Variants in ARHGAP6 observed in about 807,000 individuals in gnomAD.
The protein encoded by ARHGAP6 is rho GTPase-activating protein 6.
ARHGAP6 carries 16 observed loss-of-function variants against 55.7 expected under a neutral mutation model. That is an observed-to-expected ratio of 0.29 (90% CI 0.19 to 0.44). The LOEUF (loss-of-function observed/expected upper bound fraction) is 0.44. Among genes scored for constraint, ARHGAP6 ranks in the 20% least tolerant of loss-of-function variants. The pLI is 1.00. For synonymous variants in ARHGAP6, 382 were observed against 360.9 expected, an observed-to-expected ratio of 1.06 and a Z score of -0.66; for missense variants, 698 against 808.9, an observed-to-expected ratio of 0.86 and a Z score of 1.66.
chrX:11,384,468 C>G (rs1161198060), intron 1 of ARHGAP6, among the ~76,000 whole-genome samples: 1 of 112,137 alleles, frequency 8.9e-6, no homozygotes, highest in African/African-American at 3.2e-5. Context: ...TCAAAAACAA[C>G]AAATAACATA....
At chrX:11,184,440 A>T (rs948169763) in intron 5 of ARHGAP6, among the ~76,000 whole-genome samples, 1 of 111,837 alleles carries the variant, frequency 8.9e-6, no homozygotes, top group African/African-American at 3.3e-5. Flanking sequence ...TAAACATCTC[A>T]ATTTGTTTTA....
intron 1 of ARHGAP6, among the ~76,000 whole-genome samples, chrX:11,288,295 A>T (rs2047946265): frequency 8.9e-6 from 1 of 112,141 alleles, no homozygotes; most frequent in Non-Finnish European, 1.9e-5. Flanking sequence ...AATGCTTAGA[A>T]CCATGGCTGG....
intron 1 of ARHGAP6, among the ~76,000 whole-genome samples, chrX:11,586,743 C>T (rs1169281874): frequency 9.0e-6 from 1 of 111,678 alleles, no homozygotes; most frequent in African/African-American, 3.3e-5. Flanking sequence ...ATAGCACTGA[C>T]TCTATAAATT....
chrX:11,167,781 G>T (rs909480235), intron 9 of ARHGAP6, among the ~76,000 whole-genome samples: 3 of 112,296 alleles, frequency 2.7e-5, no homozygotes, highest in Non-Finnish European at 3.8e-5. Context: ...TTGGCAAGAT[G>T]ATATGTGACT....
chrX:11,592,036 T>C (rs1339913268), intron 1 of ARHGAP6, among the ~76,000 whole-genome samples: 1 of 111,437 alleles, frequency 9.0e-6, no homozygotes, highest in African/African-American at 3.3e-5. Context: ...TTGTAAGAAG[T>C]AGTCCCAGGA....
intron 1 of ARHGAP6, among the ~76,000 whole-genome samples, chrX:11,546,289 A>G (rs2051211420): frequency 9.0e-6 from 1 of 111,204 alleles, no homozygotes; most frequent in Non-Finnish European, 1.9e-5. Flanking sequence ...TTCTCCATTC[A>G]GTAAGCCCTT....
At chrX:11,311,055 T>C (rs896436961) in intron 1 of ARHGAP6, among the ~76,000 whole-genome samples, 1 of 111,916 alleles carries the variant, frequency 8.9e-6, no homozygotes, top group Non-Finnish European at 1.9e-5. Flanking sequence ...CCTCTGCCTT[T>C]TTCGCAGGGA....
At chrX:11,258,808 G>T (rs2047522672) in intron 1 of ARHGAP6, among the ~76,000 whole-genome samples, 1 of 111,654 alleles carries the variant, frequency 9.0e-6, no homozygotes, top group Non-Finnish European at 1.9e-5. Context: ...CAGTGACCAA[G>T]ACAATATCTG....
At chrX:11,663,047 G>A (rs1205786154) in intron 1 of ARHGAP6, among the ~76,000 whole-genome samples, 2 of 112,123 alleles carry the variant, frequency 1.8e-5, no homozygotes, top group African/African-American at 6.5e-5. Flanking sequence ...TTAGTTTTTT[G>A]TAATCTGCAC....
intron 1 of ARHGAP6, among the ~76,000 whole-genome samples, chrX:11,358,105 T>C (rs1412709439): frequency 8.9e-6 from 1 of 112,106 alleles, no homozygotes; most frequent in Non-Finnish European, 1.9e-5. Flanking sequence ...GATTTGCCTG[T>C]TCTGGACATT....
At chrX:11,597,031 A>G in intron 1 of ARHGAP6, among the ~76,000 whole-genome samples, 1 of 111,743 alleles carries the variant, frequency 8.9e-6, no homozygotes, top group East Asian at 2.8e-4. Context: ...TCCCCCACTC[A>G]GTCCCAGGCA....
chrX:11,296,402 C>T (rs2048084359), intron 1 of ARHGAP6, among the ~76,000 whole-genome samples: 1 of 111,583 alleles, frequency 9.0e-6, no homozygotes, highest in African/African-American at 3.3e-5. Flanking sequence ...AGCAAGTAAA[C>T]TGTTGGGCAG....
At chrX:11,518,365 A>G (rs1454376111) in intron 1 of ARHGAP6, among the ~76,000 whole-genome samples, 1 of 110,189 alleles carries the variant, frequency 9.1e-6, no homozygotes, top group Non-Finnish European at 1.9e-5. Flanking sequence ...GCTGGTCTCA[A>G]ACTCCTGGCT....
intron 1 of ARHGAP6, among the ~76,000 whole-genome samples, chrX:11,338,389 A>ACTTAAAATACTATAAATGCAAGCT (rs1347018736): frequency 1.8e-5 from 2 of 111,733 alleles, no homozygotes; most frequent in Non-Finnish European, 3.8e-5. Flanking sequence ...AGACTGGCAA[A>ACTTAAAATACTATAAATGCAAGCT]CTTAAAATAC....
At chrX:11,210,825 T>G (rs971382947) in intron 2 of ARHGAP6, among the ~76,000 whole-genome samples, 1 of 112,421 alleles carries the variant, frequency 8.9e-6, no homozygotes, top group African/African-American at 3.2e-5. Context: ...ACCAGGAGAT[T>G]CCAACATTAA....
chrX:11,640,343 C>A (rs757285683), intron 1 of ARHGAP6, among the ~76,000 whole-genome samples: 20 of 111,646 alleles, frequency 1.8e-4, no homozygotes, highest in African/African-American at 6.5e-4. Context: ...CCCCAAAATA[C>A]TCATTTATTC....
intron 2 of ARHGAP6, among the ~76,000 whole-genome samples, chrX:11,250,669 T>A (rs2047412240): frequency 8.9e-6 from 1 of 111,774 alleles, no homozygotes; most frequent in African/African-American, 3.3e-5. Context: ...CTGACCATGC[T>A]TCCATAGTCA....
At chrX:11,192,012 C>T (rs993605596) in intron 3 of ARHGAP6, among the ~76,000 whole-genome samples, 2 of 111,816 alleles carry the variant, frequency 1.8e-5, no homozygotes, top group African/African-American at 6.5e-5. Flanking sequence ...AGTGACAGCA[C>T]GATGCCCGTA....
At chrX:11,323,949 T>C (rs1479762149) in intron 1 of ARHGAP6, among the ~76,000 whole-genome samples, 1 of 109,155 alleles carries the variant, frequency 9.2e-6, no homozygotes, top group Non-Finnish European at 1.9e-5. Flanking sequence ...TCCATATCAA[T>C]TTGTGAGGAA....
Sources: gnomAD v4.1 joint callset for allele counts (sites outside exome capture counted in the v4.1 genomes callset) on GRCh38, gnomAD v4.1.1 for gene constraint, MANE v1.5 for transcripts, NCBI Gene and HGNC (gene_info 2026-07-23, HGNC 2026-07-21) for gene names.